Variants in GAB3 observed in about 807,000 individuals in gnomAD.
GAB3 encodes the protein GRB2-associated-binding protein 3.
GAB3 carries 12 observed loss-of-function variants against 40.4 expected under a neutral mutation model. The observed-to-expected ratio is 0.30, with a 90% CI of 0.19 to 0.48. The LOEUF (loss-of-function observed/expected upper bound fraction) is 0.48. Among genes scored for constraint, GAB3 ranks in the 20% least tolerant of loss-of-function variants. The pLI, the probability that GAB3 is intolerant of heterozygous loss-of-function variation, is 0.99. For missense variants in GAB3, 381 were observed against 461.9 expected (o/e 0.82, Z 1.61); for synonymous variants, 154 against 176.7 (o/e 0.87, Z 1.02).
At chrX:154,735,276 C>G (rs1557260407) in intron 1 of GAB3, among the ~76,000 whole-genome samples, 3 of 112,130 alleles carry the variant, frequency 2.7e-5, no homozygotes, top group Non-Finnish European at 3.8e-5. Flanking sequence ...ACATAAGCCC[C>G]TCCACCCCAG....
intron 6 of GAB3, among the ~76,000 whole-genome samples, chrX:154,698,825 T>C (rs1216480136): frequency 3.6e-5 from 4 of 112,068 alleles, no homozygotes; most frequent in Non-Finnish European, 5.6e-5. Context: ...CTGACGGGCA[T>C]GCACAGAACG....
chrX:154,714,596 T>A (rs782777095), intron 2 of GAB3, among the ~76,000 whole-genome samples: 94 of 112,087 alleles, frequency 8.4e-4, no homozygotes, highest in Non-Finnish European at 1.3e-3. Context: ...GAAAGGGTCA[T>A]AGGTGAGTTT....
At chrX:154,738,717 C>T (rs186683199) in intron 1 of GAB3, among the ~76,000 whole-genome samples, 1 of 111,999 alleles carries the variant, frequency 8.9e-6, no homozygotes, top group African/African-American at 3.2e-5. Context: ...CTAAAATATT[C>T]TCATATTTTC....
At chrX:154,720,734 C>A (rs2071120766) in intron 1 of GAB3, among the ~76,000 whole-genome samples, 1 of 110,849 alleles carries the variant, frequency 9.0e-6, no homozygotes, top group Admixed American at 9.5e-5. Flanking sequence ...AAGAATCAAG[C>A]ATTATCCAAC....
At chrX:154,749,615 G>A (rs1367809548) in intron 1 of GAB3, among the ~76,000 whole-genome samples, 1 of 112,458 alleles carries the variant, frequency 8.9e-6, no homozygotes, top group East Asian at 2.8e-4. Context: ...GGACACACTG[G>A]CACTTAGAGA....
At chrX:154,701,294 C>T (rs1048334645) in intron 4 of GAB3, among the ~76,000 whole-genome samples, 6 of 112,367 alleles carry the variant, frequency 5.3e-5, no homozygotes, top group African/African-American at 1.9e-4. Flanking sequence ...GTGGGACTTG[C>T]ATGTGTGAGC....
Position 154,697,135 on chromosome X carries a change from G to A in GAB3, c.1424C>T (p.Pro475Leu). The A allele has an allele frequency of 8.3e-7, 1 of 1,204,947 alleles. No individual in the cohort carries two copies. The highest frequency in any genetic ancestry group is 1.1e-6 in the Non-Finnish European group (1 of 889,891). Residue 475 changes from proline (P) to leucine (L), a missense_variant, in exon 7 of 10, where the codon CCT (proline) becomes CTT (leucine). Transcript: ENST00000424127. The part of the protein sequence containing the change: ...HASLTRTRTV[P>L]CSRTSFLSPE... ...TCTTTTGAGCAATCAGTCTTACCAA[G>A]GCACAGTGCGGGTCCTGGTAAGAGA...
chrX:154,713,186 G>C (rs1557256704), intron 3 of GAB3, 21 bp downstream of exon 3: 2 of 1,161,426 alleles, frequency 1.7e-6, no homozygotes, highest in African/African-American at 1.8e-5. Context: ...AGCTCAGACA[G>C]AGTCCTGGGC....
At chrX:154,698,122 C>T (rs2070688642) in intron 6 of GAB3, among the ~76,000 whole-genome samples, 1 of 112,609 alleles carries the variant, frequency 8.9e-6, no homozygotes, top group African/African-American at 3.2e-5. Context: ...TCCTCAGTCA[C>T]ATTAGCCAAA....
intron 4 of GAB3, among the ~76,000 whole-genome samples, chrX:154,705,661 T>C (rs1448924885): frequency 1.8e-5 from 2 of 111,802 alleles, no homozygotes; most frequent in Non-Finnish European, 3.8e-5. Flanking sequence ...CTGAAAGCCT[T>C]TCCTCCAAGA....
At chrX:154,716,472 C>T (rs782003199) in intron 1 of GAB3, 143 bp from the exon 2 acceptor site, 7 of 532,338 alleles carry the variant, frequency 1.3e-5, no homozygotes, top group Non-Finnish European at 2.1e-5. Context: ...TATTACAGGA[C>T]TAGTGCCCAT....
chrX:154,716,187 C>T lies in GAB3; in HGVS notation c.215G>A (p.Gly72Asp), dbSNP rs782613826. Reference protein sequence around the residue: ...LSECAVWKHVGPSFVRKEFQN... With the variant: ...LSECAVWKHVDPSFVRKEFQN... The stretch of plus-strand genomic sequence containing the variant: ...AAATTCCTTCCGAACAAAGCTGGGG[C>T]CCACATGCTTCCACACTGCACACTC... Residue 72 changes from glycine to aspartate, a missense_variant, in exon 2 of 10, where the codon GGC becomes GAC. Physicochemically the swap from Gly to Asp is moderately conservative, Grantham distance 94. Around this residue, in one of 2 missense-constraint regions of GAB3, gnomAD observed 364 missense variants for 421.0 expected, o/e 0.86. Coordinates refer to ENST00000424127, the MANE Select transcript of GAB3 (RefSeq NM_001081573.3). The T allele has an allele frequency of 4.1e-6, 5 of 1,211,462 alleles. No homozygotes were observed. The highest frequency in any genetic ancestry group is 3.5e-5 in the South Asian group (2 of 56,945).
chrX:154,715,980 TCCTGGGA>T (rs1557257523), intron 2 of GAB3, 39 bp downstream of exon 2: 1 of 1,130,569 alleles, frequency 8.8e-7, no homozygotes, highest in Non-Finnish European at 1.2e-6. Flanking sequence ...AACCCTCCAG[TCCTGGGA>T]TACCCCTTAG....
chrX:154,704,502 C>T (rs902935549), intron 4 of GAB3, among the ~76,000 whole-genome samples: 9 of 111,171 alleles, frequency 8.1e-5, no homozygotes, highest in African/African-American at 1.3e-4. Context: ...TAAATATATA[C>T]GCCTACCATG....
chrX:154,677,745 G>C lies in GAB3; in HGVS notation c.*433C>G. The C allele has an allele frequency of 5.8e-6, 1 of 171,312 alleles. No homozygotes were observed. The highest frequency in any genetic ancestry group is 1.1e-5 in the Non-Finnish European group (1 of 91,554). The allele number at this position is 171,312 out of a possible 1,213,427, so 14.1% of individuals were successfully genotyped here. On this transcript the variant is annotated 3_prime_UTR_variant, in exon 10 of 10. Coordinates refer to ENST00000424127, the MANE Select transcript of GAB3 (RefSeq NM_001081573.3). ...GGAGTAAGATTCTGCCACCATTGCT[G>C]GGCTTGATCTCCTCAACTGTCTTCA...
intron 1 of GAB3, 131 bp downstream of exon 1, chrX:154,750,823 C>T (rs1276500638): frequency 3.5e-6 from 1 of 285,629 alleles, no homozygotes; most frequent in Non-Finnish European, 4.8e-6. Context: ...GTCCGTCGGC[C>T]TCGCCCGCAG....
In GAB3 at chrX:154,690,626, G is replaced by A. The variant is rs187416122; in HGVS notation, c.1530+5291C>T. ...GGCAAAGGACATGAACAGACACTTC[G>A]CAAAAGAAGATATTTATGCAGCTAA... On this transcript the variant is annotated intron_variant, in intron 8 of 9. Coordinates refer to ENST00000424127, the MANE Select transcript of GAB3 (RefSeq NM_001081573.3). Among the ~76,000 whole-genome samples, 9 of 111,987 alleles carry A rather than the reference G, an allele frequency of 8.0e-5. No homozygotes were observed. The South Asian group carries it at 2.2e-3, about 28-fold the overall frequency.
chrX:154,684,252 G>A (rs782619404), intron 8 of GAB3, among the ~76,000 whole-genome samples: 1 of 111,948 alleles, frequency 8.9e-6, no homozygotes, highest in Non-Finnish European at 1.9e-5. Context: ...TTCCTGGTAG[G>A]TGTTTATATA....
chrX:154,685,283 T>C (rs1474687052), intron 8 of GAB3, among the ~76,000 whole-genome samples: 2 of 111,516 alleles, frequency 1.8e-5, no homozygotes, highest in African/African-American at 6.5e-5. Flanking sequence ...GATTCTATTG[T>C]TTGTAATTCT....
Sources: allele counts gnomAD v4.1 joint callset (sites outside exome capture counted in the v4.1 genomes callset), GRCh38; gene constraint gnomAD v4.1.1; regional missense constraint gnomAD v4.1.1; transcripts MANE v1.5; gene names NCBI Gene and HGNC (gene_info 2026-07-23, HGNC 2026-07-21).